Variants in SETX observed in about 807,000 individuals in gnomAD.
SETX encodes helicase senataxin.
A neutral mutation model predicts 227.2 loss-of-function variants in SETX; 90 were observed. That is an observed-to-expected ratio of 0.40 (90% CI 0.33 to 0.47). The LOEUF (loss-of-function observed/expected upper bound fraction) is 0.47. Ranked by LOEUF, SETX falls within the 20% of genes least tolerant of loss-of-function variation. SETX has a pLI of 0.91. For synonymous variants in SETX, 1,210 were observed against 1,113.2 expected, an observed-to-expected ratio of 1.09 and a Z score of -1.73; for missense variants, 3,052 against 3,181.5, an observed-to-expected ratio of 0.96 and a Z score of 0.98.
At chr9:132,302,681 C>CAA (rs57673567) in intron 11 of SETX, among the ~76,000 whole-genome samples, 38 of 78,466 alleles carry the variant, frequency 4.8e-4, no homozygotes, top group South Asian at 1.2e-3. Context: ...AAAAAAAAAG[C>CAA]AAAAAAAAAA....
intron 3 of SETX, among the ~76,000 whole-genome samples, chr9:132,348,800 T>C (rs1848452377): frequency 6.6e-6 from 1 of 152,080 alleles, no homozygotes; most frequent in African/African-American, 2.4e-5. Context: ...TGGTGGCACA[T>C]GCCTGTAGTC....
intron 11 of SETX, among the ~76,000 whole-genome samples, chr9:132,308,486 T>C (rs2131341994): frequency 6.6e-6 from 1 of 152,300 alleles, no homozygotes; most frequent in South Asian, 2.1e-4. Context: ...TATCAACCAA[T>C]GCCATTGGGT....
rs886063546 is a variant in SETX at position 132,262,173 on chromosome 9, G to GTT, written c.*2065_*2066insAA. 6.6e-6 allele frequency: 1 copy of GTT among 152,208 alleles called. No individual in the cohort carries two copies. Among genetic ancestry groups the GTT allele is most frequent in the African/African-American group, 2.4e-5 (1 of 41,446 alleles). 9.4% of individuals were successfully genotyped at this position (152,208 alleles called of 1,614,324 possible). ...TGGTGAACCAACAGGTGAACACAAC[G>GTT]TAAGAACAGGCATCAAACTTCACTG... On this transcript the variant is annotated 3_prime_UTR_variant, in exon 26 of 26. Transcript: ENST00000224140.
intron 5 of SETX, among the ~76,000 whole-genome samples, chr9:132,339,112 G>A (rs1236090892): frequency 6.6e-6 from 1 of 152,076 alleles, no homozygotes; most frequent in Non-Finnish European, 1.5e-5. Context: ...GGTATTTTTT[G>A]ATAAACAATA....
intron 2 of SETX, among the ~76,000 whole-genome samples, chr9:132,350,863 A>C (rs58049280): frequency 6.6e-6 from 1 of 152,232 alleles, no homozygotes; most frequent in African/African-American, 2.4e-5. Context: ...CTGAAAGCAG[A>C]GAAAAAGGAT....
intron 10 of SETX, among the ~76,000 whole-genome samples, chr9:132,324,894 T>G (rs1197964877): frequency 1.3e-5 from 2 of 152,212 alleles, no homozygotes; most frequent in African/African-American, 4.8e-5. Context: ...ACAAAAATCC[T>G]TCTAAACGCA....
At chr9:132,348,330 T>C (rs1167810354) in intron 3 of SETX, among the ~76,000 whole-genome samples, 2 of 130,754 alleles carry the variant, frequency 1.5e-5, no homozygotes, top group Non-Finnish European at 3.1e-5. Context: ...GCCACTGCAC[T>C]CCAGCCTGGA....
At chr9:132,273,288 G>C (rs539915309) in intron 23 of SETX, among the ~76,000 whole-genome samples, 1 of 152,082 alleles carries the variant, frequency 6.6e-6, no homozygotes, top group Non-Finnish European at 1.5e-5. Flanking sequence ...TCACCCTCCA[G>C]AGTAGTTGGG....
At chr9:132,318,485 A>G (rs2131383846) in intron 10 of SETX, among the ~76,000 whole-genome samples, 1 of 152,326 alleles carries the variant, frequency 6.6e-6, no homozygotes, top group African/African-American at 2.4e-5. Flanking sequence ...ACAGCCTAGC[A>G]TCACCTAGCT....
At chr9:132,316,615 T>C (rs1413083453) in intron 10 of SETX, among the ~76,000 whole-genome samples, 1 of 152,244 alleles carries the variant, frequency 6.6e-6, no homozygotes, top group African/African-American at 2.4e-5. Context: ...GTACGAATCT[T>C]AGCCTAATTT....
chr9:132,320,013 C>CA (rs1352325955), intron 10 of SETX, among the ~76,000 whole-genome samples: 3 of 151,984 alleles, frequency 2.0e-5, no homozygotes, highest in Non-Finnish European at 2.9e-5. Context: ...CAACTGACTG[C>CA]AAAAAATTGG....
chr9:132,334,543 C>T (rs760499764), intron 7 of SETX, 65 bp downstream of exon 7: 5 of 1,565,176 alleles, frequency 3.2e-6, no homozygotes, highest in South Asian at 1.1e-5. Flanking sequence ...TGCAGTGACA[C>T]TATCATTTTT....
intron 12 of SETX, 99 bp downstream of exon 12, chr9:132,300,531 A>T (rs755435278): frequency 2.1e-5 from 28 of 1,327,658 alleles, no homozygotes; most frequent in Non-Finnish European, 2.8e-5. Flanking sequence ...CATGTTCGGT[A>T]AATGTCTATC....
At chr9:132,284,979 C>T (rs746200019) in intron 18 of SETX, among the ~76,000 whole-genome samples, 4 of 151,826 alleles carry the variant, frequency 2.6e-5, no homozygotes, top group East Asian at 1.9e-4. Flanking sequence ...CCCAGGTTCA[C>T]GCCATTCTCC....
chr9:132,326,361 AC>A lies in SETX; in HGVS notation c.5236del (p.Val1746PhefsTer5). On this transcript the variant is annotated frameshift_variant, in exon 10 of 26. Transcript: ENST00000224140. LOFTEE classifies it high-confidence loss of function. ...ATTCAATACCATCAAAGGGAAAAAA[AC>A]ATTAAAATAATCTCCATAATTGTGA... ...RFHNYGDYFN[V>X]FFPLMVLNTF... 6.2e-7 allele frequency: 1 copy of A among 1,613,616 alleles called. No individual in the cohort carries two copies. Among genetic ancestry groups the A allele is most frequent in the Non-Finnish European group, 8.5e-7 (1 of 1,179,632 alleles).
At position 132,349,402 on chromosome 9, in the gene SETX, T is replaced by C. The variant is rs761487448; in HGVS notation, c.27A>G (p.Pro9=). The change falls in exon 3 of 26, where the codon CCA becomes CCG. Residue 9 remains proline, a synonymous_variant. Coordinates refer to ENST00000224140, the MANE Select transcript of SETX (RefSeq NM_015046.7). Reference sequence around the variant, plus strand: ...GGAAGTCAATGGTGGAAGCACCACCTGGCGTACACCAACAACATGTGCTCA... The same window carrying C: ...GGAAGTCAATGGTGGAAGCACCACCCGGCGTACACCAACAACATGTGCTCA... The part of the protein sequence containing the change: MSTCCWCT[P]GGASTIDFLK... The C allele has an allele frequency of 2.5e-6, 4 of 1,614,214 alleles. No individual in the cohort carries two copies. Among genetic ancestry groups the C allele is most frequent in the Non-Finnish European group, 3.4e-6 (4 of 1,180,044 alleles).
chr9:132,328,874 C>A lies in SETX; in HGVS notation c.2724G>T (p.Lys908Asn), dbSNP rs1564543686. 6.2e-7 allele frequency: 1 copy of A among 1,613,940 alleles called. No individual in the cohort carries two copies. ...TAAGATCTTTAAAGGGAGATGATTT[C>A]TTCTCTGAAGCATTGGTCATTTCTG... Reference protein sequence around the residue: ...PFTEMTNASEKKSSPFKDLMT... With the variant: ...PFTEMTNASENKSSPFKDLMT... The change falls in exon 10 of 26, where the codon AAG (lysine) becomes AAT (asparagine). Residue 908 changes from lysine (K) to asparagine (N), a missense_variant. Coordinates refer to ENST00000224140, the MANE Select transcript of SETX (RefSeq NM_015046.7).
intron 20 of SETX, among the ~76,000 whole-genome samples, chr9:132,279,360 A>G (rs1040184715): frequency 5.9e-5 from 9 of 152,186 alleles, no homozygotes; most frequent in African/African-American, 1.9e-4. Flanking sequence ...ACATGTATAC[A>G]TATGTAACAA....
chr9:132,330,987 T>G (rs1847187603), intron 9 of SETX, 65 bp downstream of exon 9: 2 of 1,268,102 alleles, frequency 1.6e-6, no homozygotes, highest in African/African-American at 2.9e-5. Flanking sequence ...CAACAAATTA[T>G]ACAAAATAGT....
Sources: allele counts gnomAD v4.1 joint callset (sites outside exome capture counted in the v4.1 genomes callset), GRCh38; gene constraint gnomAD v4.1.1; transcripts MANE v1.5; gene names NCBI Gene and HGNC (gene_info 2026-07-23, HGNC 2026-07-21).